CEP112: variants seen among roughly 807,000 people sequenced by gnomAD.
CEP112 encodes centrosomal protein 112, also known as centrosomal protein of 112 kDa.
A neutral mutation model predicts 153.0 loss-of-function variants in CEP112; 127 were observed. The observed-to-expected ratio is 0.83, with a 90% CI of 0.72 to 0.96. The LOEUF is 0.96. Ranked by LOEUF, CEP112 falls within the 40% of genes least tolerant of loss-of-function variation. CEP112 has a pLI of 0.00. For synonymous variants in CEP112, 358 were observed against 374.4 expected (o/e 0.96, Z 0.51); for missense variants, 1,089 against 1,101.2 (o/e 0.99, Z 0.16).
At chr17:65,908,601 G>C (rs370915819) in intron 19 of CEP112, among the ~76,000 whole-genome samples, 1 of 151,740 alleles carries the variant, frequency 6.6e-6, no homozygotes, top group Admixed American at 6.6e-5. Flanking sequence ...GGCTGAAGCA[G>C]AAGAATCGCT....
At chr17:65,961,964 A>G (rs776988292) in intron 17 of CEP112, among the ~76,000 whole-genome samples, 47 of 152,350 alleles carry the variant, frequency 3.1e-4, no homozygotes, top group Non-Finnish European at 5.9e-4. Context: ...TACAACATGG[A>G]TGAACCTTAA....
At chr17:66,105,274 C>G (rs2068736017) in intron 6 of CEP112, among the ~76,000 whole-genome samples, 1 of 151,750 alleles carries the variant, frequency 6.6e-6, no homozygotes, top group Non-Finnish European at 1.5e-5. Flanking sequence ...ACCAAAAAAC[C>G]TACAACAAAT....
chr17:66,065,727 T>C (rs1361306538), intron 10 of CEP112, among the ~76,000 whole-genome samples: 1 of 151,802 alleles, frequency 6.6e-6, no homozygotes, highest in Non-Finnish European at 1.5e-5. Context: ...CCTCCCAGGT[T>C]CATGCCATTC....
chr17:65,956,694 T>C (rs1251354177), intron 18 of CEP112, among the ~76,000 whole-genome samples: 2 of 152,098 alleles, frequency 1.3e-5, no homozygotes, highest in East Asian at 1.9e-4. Context: ...GCTAGGGTGA[T>C]GGGTGCACCA....
intron 21 of CEP112, among the ~76,000 whole-genome samples, chr17:65,753,620 T>G (rs111747073): frequency 0.014 from 2,126 of 152,320 alleles, 21 homozygotes; most frequent in Non-Finnish European, 0.02. Context: ...AGGGCTACTC[T>G]GAACCTCTTG....
At chr17:65,944,489 G>A (rs780740372) in intron 18 of CEP112, among the ~76,000 whole-genome samples, 10 of 152,088 alleles carry the variant, frequency 6.6e-5, no homozygotes, top group Admixed American at 2.0e-4. Context: ...AGTTAAATGG[G>A]TTATTATTAC....
intron 23 of CEP112, among the ~76,000 whole-genome samples, chr17:65,718,289 T>C (rs913704503): frequency 1.3e-5 from 2 of 151,424 alleles, no homozygotes; most frequent in Non-Finnish European, 2.9e-5. Flanking sequence ...GCGCCTGTAA[T>C]CCCAACTACT....
chr17:66,141,713 T>C (rs1350735857), intron 4 of CEP112, among the ~76,000 whole-genome samples: 1 of 152,202 alleles, frequency 6.6e-6, no homozygotes, highest in Non-Finnish European at 1.5e-5. Context: ...TATGATAGCA[T>C]TTCCTTTTAT....
chr17:66,170,417 T>C (rs2072195410), intron 4 of CEP112, among the ~76,000 whole-genome samples: 1 of 152,224 alleles, frequency 6.6e-6, no homozygotes, highest in Non-Finnish European at 1.5e-5. Context: ...TAGTAACATT[T>C]TCTAAAGTCA....
intron 20 of CEP112, among the ~76,000 whole-genome samples, chr17:65,860,045 T>G (rs1381515270): frequency 6.6e-6 from 1 of 150,956 alleles, no homozygotes; most frequent in African/African-American, 2.4e-5. Flanking sequence ...AACCTATCTT[T>G]AATCATAGAT....
At chr17:65,867,186 T>C (rs575383923) in intron 20 of CEP112, among the ~76,000 whole-genome samples, 17 of 152,182 alleles carry the variant, frequency 1.1e-4, no homozygotes, top group Non-Finnish European at 2.4e-4. Context: ...AGCTGCAACT[T>C]TGCAGGGAGC....
At chr17:65,739,843 C>T (rs1194502854) in intron 23 of CEP112, among the ~76,000 whole-genome samples, 2 of 152,156 alleles carry the variant, frequency 1.3e-5, no homozygotes, top group African/African-American at 4.8e-5. Flanking sequence ...GTTTCTTGGA[C>T]AGTGAGGATC....
intron 17 of CEP112, among the ~76,000 whole-genome samples, chr17:65,976,785 C>T (rs1353763640): frequency 7.5e-6 from 1 of 133,976 alleles, no homozygotes; most frequent in Non-Finnish European, 1.5e-5. Flanking sequence ...GTTGCCCAGG[C>T]TGGAGTGCAG....
intron 16 of CEP112, 137 bp from the exon 17 acceptor site, chr17:66,005,906 T>C: frequency 1.4e-6 from 1 of 736,326 alleles, no homozygotes. Context: ...GATAGAAACT[T>C]GGTCTACCAT....
intron 12 of CEP112, 37 bp downstream of exon 12, chr17:66,053,699 A>G (rs1260465208): frequency 1.3e-6 from 2 of 1,580,982 alleles, no homozygotes; most frequent in Admixed American, 1.7e-5. Flanking sequence ...TTGAGAAGAC[A>G]GGTTCTAAGA....
chr17:65,956,401 T>TACACACACAC lies in CEP112; in HGVS notation c.1872+5061_1872+5062insGTGTGTGTGT, dbSNP rs1189137970. Among the ~76,000 whole-genome samples, 19 of 76,710 alleles carry TACACACACAC rather than the reference T, an allele frequency of 2.5e-4. No homozygotes were observed. In the East Asian group the frequency reaches 0.023, roughly 92 times the overall value. 50.3% of individuals were successfully genotyped at this position (76,710 alleles called of 152,430 possible). The stretch of plus-strand genomic sequence containing the variant: ...ATAAAGAAATTATGATATATATACA[T>TACACACACAC]ACATACATACACACACACACACACA... On this transcript the variant is annotated intron_variant, in intron 18 of 26. Coordinates refer to ENST00000535342, the MANE Select transcript of CEP112 (RefSeq NM_001199165.4).
intron 8 of CEP112, among the ~76,000 whole-genome samples, chr17:66,092,644 T>C (rs930610282): frequency 6.6e-6 from 1 of 152,100 alleles, no homozygotes; most frequent in African/African-American, 2.4e-5. Context: ...GCCAACTGAA[T>C]TCAACAGCAC....
intron 8 of CEP112, among the ~76,000 whole-genome samples, chr17:66,073,564 G>T (rs1267853632): frequency 6.6e-6 from 1 of 152,202 alleles, no homozygotes; most frequent in African/African-American, 2.4e-5. Flanking sequence ...CCAAAGACCT[G>T]CCCAGCCAGG....
intron 21 of CEP112, among the ~76,000 whole-genome samples, chr17:65,810,788 T>C (rs1227659315): frequency 6.6e-6 from 1 of 152,014 alleles, no homozygotes; most frequent in East Asian, 1.9e-4. Flanking sequence ...AGAAAAACCC[T>C]TGAATAAGGA....
Sources: allele counts gnomAD v4.1 joint callset (sites outside exome capture counted in the v4.1 genomes callset), GRCh38; gene constraint gnomAD v4.1.1; transcripts MANE v1.5; gene names NCBI Gene and HGNC (gene_info 2026-07-23, HGNC 2026-07-21).